Variants in NFIA observed in about 807,000 individuals in gnomAD.
NFIA encodes the protein nuclear factor 1 A-type.
In NFIA, 8 loss-of-function variants were observed where a neutral mutation model predicts 62.8. That is an observed-to-expected ratio of 0.13 (90% CI 0.07 to 0.23). The LOEUF is 0.23. Ranked by LOEUF, NFIA falls within the 10% of genes least tolerant of loss-of-function variation. NFIA has a pLI of 1.00. For synonymous variants in NFIA, 235 were observed against 238.1 expected (o/e 0.99, Z 0.12); for missense variants, 410 against 642.1 (o/e 0.64, Z 3.91).
chr1:61,359,016 A>T, intron 5 of NFIA, 131 bp from the exon 6 acceptor site: 1 of 1,291,462 alleles, frequency 7.7e-7, no homozygotes, highest in Non-Finnish European at 1.1e-6. Context: ...ACAGAAGTTT[A>T]AAAGGAGTCC....
chr1:61,133,869 C>T (rs574526540), intron 2 of NFIA, among the ~76,000 whole-genome samples: 5 of 151,844 alleles, frequency 3.3e-5, no homozygotes, highest in African/African-American at 9.7e-5. Flanking sequence ...GGGCTGGGTG[C>T]GGTGGCTCAC....
intron 1 of NFIA, among the ~76,000 whole-genome samples, chr1:61,085,634 A>G (rs1490561629): frequency 6.6e-6 from 1 of 151,916 alleles, no homozygotes; most frequent in African/African-American, 2.4e-5. Context: ...GATACTCTTT[A>G]GTTTTGATAT....
At chr1:61,266,496 C>A (rs1181685385) in intron 2 of NFIA, among the ~76,000 whole-genome samples, 1 of 152,188 alleles carries the variant, frequency 6.6e-6, no homozygotes, top group East Asian at 1.9e-4. Context: ...CCTCCCGGTT[C>A]AAGCAATTCT....
In NFIA at chr1:61,395,291, T is replaced by TG. The variant is rs1474477056; in HGVS notation, c.1076-8813_1076-8812insG. The stretch of plus-strand genomic sequence containing the variant: ...CTTATTTTCTGTGTGTGTGTGTGTT[T>TG]TTTTTTTTTTTTAATGCAGGAAAAG... On this transcript the variant is annotated intron_variant, in intron 7 of 10. Transcript: ENST00000403491. 6.6e-5 allele frequency among the ~76,000 whole-genome samples: 10 copies of TG among 150,694 alleles called. No individual in the cohort carries two copies. In the East Asian group the frequency reaches 1.4e-3, roughly 20 times the overall value.
At chr1:61,383,193 T>C (rs772919405) in intron 6 of NFIA, 44 bp from the exon 7 acceptor site, 7 of 1,607,006 alleles carry the variant, frequency 4.4e-6, no homozygotes, top group Non-Finnish European at 6.0e-6. Context: ...CAAATCATTG[T>C]TCCATGAATT....
chr1:61,125,885 G>A (rs146913545), intron 2 of NFIA, among the ~76,000 whole-genome samples: 16 of 152,206 alleles, frequency 1.1e-4, no homozygotes, highest in East Asian at 3.9e-4. Flanking sequence ...GGAACCTCTC[G>A]TGATACCCTG....
intron 2 of NFIA, among the ~76,000 whole-genome samples, chr1:61,154,459 T>C (rs1648649639): frequency 6.6e-6 from 1 of 152,090 alleles, no homozygotes; most frequent in African/African-American, 2.4e-5. Flanking sequence ...CCCGGCCTTA[T>C]TTTATTTTTG....
chr1:61,352,275 T>C (rs1371750938), intron 4 of NFIA, among the ~76,000 whole-genome samples, 175 bp from the exon 5 acceptor site: 1 of 152,244 alleles, frequency 6.6e-6, no homozygotes, highest in Non-Finnish European at 1.5e-5. Flanking sequence ...GCCTTTCCTG[T>C]ATAGACTATT....
chr1:61,348,816 G>A (rs143078424), intron 4 of NFIA, among the ~76,000 whole-genome samples: 6 of 152,258 alleles, frequency 3.9e-5, no homozygotes, highest in South Asian at 2.1e-4. Flanking sequence ...TTCCAAGAGC[G>A]AGGGAGTGAG....
At chr1:61,416,720 T>G (rs1307641462) in intron 9 of NFIA, among the ~76,000 whole-genome samples, 2 of 152,156 alleles carry the variant, frequency 1.3e-5, no homozygotes, top group Admixed American at 6.5e-5. Context: ...ATGCATTACC[T>G]TAGTTGCATT....
chr1:61,442,614 G>A (rs1667635238), intron 10 of NFIA, among the ~76,000 whole-genome samples: 1 of 151,220 alleles, frequency 6.6e-6, no homozygotes, highest in Non-Finnish European at 1.5e-5. Flanking sequence ...TAGGCTTCCT[G>A]TAGCAGCCCT....
chr1:61,238,426 A>G (rs1655126640), intron 2 of NFIA, among the ~76,000 whole-genome samples: 1 of 152,226 alleles, frequency 6.6e-6, no homozygotes, highest in Non-Finnish European at 1.5e-5. Context: ...TTCAGACATC[A>G]TCGGAAAAGA....
intron 9 of NFIA, among the ~76,000 whole-genome samples, chr1:61,415,875 T>C (rs1401213024): frequency 6.6e-6 from 1 of 152,182 alleles, no homozygotes; most frequent in African/African-American, 2.4e-5. Context: ...AACAAAAATG[T>C]ACATAAAGTA....
At chr1:61,243,761 G>C (rs138505432) in intron 2 of NFIA, among the ~76,000 whole-genome samples, 3 of 152,160 alleles carry the variant, frequency 2.0e-5, no homozygotes, top group African/African-American at 7.2e-5. Context: ...CAGTGTTTAC[G>C]TAGGTAGAAT....
chr1:61,121,407 G>T (rs1263406065), intron 2 of NFIA, among the ~76,000 whole-genome samples: 2 of 152,030 alleles, frequency 1.3e-5, no homozygotes, highest in Non-Finnish European at 2.9e-5. Flanking sequence ...AGAATTCTAG[G>T]GAGTAAAATG....
chr1:61,359,895 G>A (rs754737386), intron 6 of NFIA, among the ~76,000 whole-genome samples: 3 of 151,932 alleles, frequency 2.0e-5, no homozygotes, highest in Non-Finnish European at 1.5e-5. Context: ...CCTCCCAATT[G>A]TTTTTGTTTT....
Position 61,455,526 on chromosome 1 carries a change from T to A in NFIA, c.*206T>A, listed in dbSNP as rs193301002. On this transcript the variant is annotated 3_prime_UTR_variant, in exon 11 of 11. Coordinates refer to ENST00000403491, the MANE Select transcript of NFIA (RefSeq NM_001134673.4). The stretch of plus-strand genomic sequence containing the variant: ...TAACCTTTTGGGATTTTTTTTTTTT[T>A]AAAATACTTTAGGGACTGTTGTAAT... 1.0e-4 allele frequency: 72 copies of A among 694,918 alleles called. No homozygotes were observed. Among genetic ancestry groups the A allele is most frequent in the Middle Eastern group, 2.5e-4 (1 of 4,018 alleles). The allele number at this position is 694,918 out of a possible 1,614,324, so 43.0% of individuals were successfully genotyped here.
chr1:61,233,337 T>C (rs1242092065), intron 2 of NFIA, among the ~76,000 whole-genome samples: 1 of 152,202 alleles, frequency 6.6e-6, no homozygotes, highest in East Asian at 1.9e-4. Context: ...TGCTACTGAA[T>C]ACCAGGTGAT....
At chr1:61,381,257 A>G (rs888361966) in intron 6 of NFIA, among the ~76,000 whole-genome samples, 1 of 152,166 alleles carries the variant, frequency 6.6e-6, no homozygotes, top group African/African-American at 2.4e-5. Context: ...AAAGGTTTAA[A>G]TGAGTTGGGA....
Sources: gnomAD v4.1 joint callset for allele counts (sites outside exome capture counted in the v4.1 genomes callset) on GRCh38, gnomAD v4.1.1 for gene constraint, MANE v1.5 for transcripts, NCBI Gene and HGNC (gene_info 2026-07-23, HGNC 2026-07-21) for gene names.